FBXO11: variants seen among roughly 807,000 people sequenced by gnomAD.
FBXO11 encodes F-box protein 11.
Under a neutral mutation model 117.0 loss-of-function variants are expected in FBXO11, and 13 were observed. The ratio of observed to expected loss-of-function variants is 0.11; its 90% confidence interval spans 0.07 to 0.18. The LOEUF is 0.18. Among genes scored for constraint, FBXO11 ranks in the 10% least tolerant of loss-of-function variants. The pLI, the probability that FBXO11 is intolerant of heterozygous loss-of-function variation, is 1.00. For synonymous variants in FBXO11, 490 were observed against 380.5 expected, an observed-to-expected ratio of 1.29 and a Z score of -3.35; for missense variants, 767 against 1,164.4, an observed-to-expected ratio of 0.66 and a Z score of 4.97.
rs138205937 is a variant in FBXO11, at chr2:47,871,505, T to C, written c.233-31736A>G. Among the ~76,000 whole-genome samples, 979 of 152,304 alleles carry C rather than the reference T, an allele frequency of 6.4e-3. 7 individuals carry two copies. Among genetic ancestry groups the C allele is most frequent in the African/African-American group, 0.022 (935 of 41,562 alleles). ...TAAATGCATTCATTCAGTTTTCTGG[T>C]TTTTCTTCCCCTCAAACTAATAGGT... On this transcript the variant is annotated intron_variant, in intron 1 of 22. Coordinates refer to ENST00000403359, the MANE Select transcript of FBXO11 (RefSeq NM_001190274.2).
intron 1 of FBXO11, among the ~76,000 whole-genome samples, chr2:47,878,307 T>C (rs575796803): frequency 5.5e-4 from 84 of 152,202 alleles, no homozygotes; most frequent in Non-Finnish European, 1.0e-4. Flanking sequence ...GCAAAACAGA[T>C]TTTGATAGAT....
intron 1 of FBXO11, among the ~76,000 whole-genome samples, chr2:47,862,013 G>A (rs1256420844): frequency 6.6e-6 from 1 of 151,926 alleles, no homozygotes; most frequent in Non-Finnish European, 1.5e-5. Context: ...CCCAGGTTCA[G>A]GTGATTCTCC....
intron 1 of FBXO11, among the ~76,000 whole-genome samples, chr2:47,856,002 T>A (rs908627661): frequency 6.6e-6 from 1 of 152,148 alleles, no homozygotes; most frequent in African/African-American, 2.4e-5. Context: ...TTCCAGCTAC[T>A]CAGGAGGCTG....
At position 47,834,367 on chromosome 2, in the gene FBXO11, T is replaced by TG. The variant is rs558647032; in HGVS notation, c.934+211dup. Among the ~76,000 whole-genome samples, 667 of 148,936 alleles carry TG rather than the reference T, an allele frequency of 4.5e-3. 3 individuals are homozygous for TG. Among genetic ancestry groups the TG allele is most frequent in the Middle Eastern group, 6.9e-3 (2 of 290 alleles). ...TCTGCATCAAAAAAACAAAAAAGGT[T>TG]GGGGGGGGCGGGGAGAAAGAATTTA... On this transcript the variant is annotated intron_variant, in intron 7 of 22. Coordinates refer to ENST00000403359, the MANE Select transcript of FBXO11 (RefSeq NM_001190274.2).
chr2:47,861,138 C>T (rs1200431970), intron 1 of FBXO11, among the ~76,000 whole-genome samples: 1 of 152,130 alleles, frequency 6.6e-6, no homozygotes, highest in South Asian at 2.1e-4. Context: ...GCATGAACCA[C>T]CACGCCTGGC....
Position 47,905,798 on chromosome 2 carries a change from G to T in FBXO11, c.-78C>A. 3 of 1,432,082 alleles carry T rather than the reference G, an allele frequency of 2.1e-6. No individual in the cohort carries two copies. The highest frequency in any genetic ancestry group is 2.8e-6 in the Non-Finnish European group (3 of 1,076,002). The allele number at this position is 1,432,082 out of a possible 1,614,324, so 88.7% of individuals were successfully genotyped here. ...CAGCGAGCTTCGGGGCAGGAGAAAG[G>T]GGTGGGGAGAGTGGGAGAGGGGGGA... On this transcript the variant is annotated 5_prime_UTR_variant, in exon 1 of 23. Transcript: ENST00000403359.
At chr2:47,899,460 T>C (rs1042566340) in intron 1 of FBXO11, among the ~76,000 whole-genome samples, 5 of 152,160 alleles carry the variant, frequency 3.3e-5, no homozygotes, top group Non-Finnish European at 7.3e-5. Context: ...CTAGGAACTT[T>C]ACTATCTCTC....
chr2:47,883,793 G>A (rs996104658), intron 1 of FBXO11: 10 of 226,286 alleles, frequency 4.4e-5, no homozygotes, highest in African/African-American at 4.7e-5. Flanking sequence ...AAAATTAGTC[G>A]CCTTAGTCGG....
chr2:47,838,026 G>C (rs1409278077), intron 4 of FBXO11, among the ~76,000 whole-genome samples: 1 of 137,462 alleles, frequency 7.3e-6, no homozygotes, highest in Non-Finnish European at 1.5e-5. Context: ...AGGAGTTCAA[G>C]ATCAGACTGA....
intron 16 of FBXO11, 148 bp from the exon 17 acceptor site, chr2:47,814,015 T>C (rs956316980): frequency 9.9e-6 from 6 of 604,072 alleles, no homozygotes; most frequent in African/African-American, 1.9e-5. Context: ...GAGAAGAAAG[T>C]GGTTTAATTT....
At chr2:47,828,550 A>G (rs1335764545) in intron 11 of FBXO11, among the ~76,000 whole-genome samples, 5 of 151,654 alleles carry the variant, frequency 3.3e-5, no homozygotes, top group African/African-American at 1.2e-4. Flanking sequence ...TGGAGGTTGC[A>G]GTGAGCCGCG....
chr2:47,825,571 CTT>C (rs751404253), intron 11 of FBXO11, among the ~76,000 whole-genome samples: 11 of 88,290 alleles, frequency 1.2e-4, no homozygotes, highest in South Asian at 7.4e-4. Flanking sequence ...TCTTCTTCTT[CTT>C]TTTTTTTTTT....
Position 47,833,101 on chromosome 2 carries a change from C to T in FBXO11, c.935-31G>A, listed in dbSNP as rs774342053. On this transcript the variant is annotated intron_variant, in intron 7 of 22. Transcript: ENST00000403359. ...GAGAAGATATTTTAAAGAATATTAC[C>T]TTTATTCGATTTCAACAGATGGGTA... 4.1e-6 allele frequency: 6 copies of T among 1,465,284 alleles called. No homozygotes were observed. The East Asian group carries it at 6.8e-5, about 17-fold the overall frequency. 90.8% of individuals were successfully genotyped at this position (1,465,284 alleles called of 1,614,324 possible).
intron 1 of FBXO11, among the ~76,000 whole-genome samples, chr2:47,874,971 G>C (rs979110053): frequency 7.1e-6 from 1 of 140,652 alleles, no homozygotes; most frequent in Non-Finnish European, 1.5e-5. Context: ...TATTTTCTTT[G>C]TCAAAACGTC....
At chr2:47,889,220 C>T (rs998060215) in intron 1 of FBXO11, among the ~76,000 whole-genome samples, 1 of 152,104 alleles carries the variant, frequency 6.6e-6, no homozygotes, top group Non-Finnish European at 1.5e-5. Context: ...GGTTATGTTG[C>T]TTTTCTTCCT....
At chr2:47,834,289 A>G (rs112262764) in intron 7 of FBXO11, among the ~76,000 whole-genome samples, 23,335 of 152,106 alleles carry the variant, frequency 0.15, 1,943 homozygotes, top group Non-Finnish European at 0.18. Context: ...GGCAGAGGTT[A>G]CAGTGAACTG....
intron 1 of FBXO11, among the ~76,000 whole-genome samples, chr2:47,877,644 C>T (rs1676107147): frequency 6.6e-6 from 1 of 152,098 alleles, no homozygotes; most frequent in Non-Finnish European, 1.5e-5. Context: ...TTTTCTCCAT[C>T]TCTCACTCAA....
chr2:47,863,873 G>T (rs1320675703), intron 1 of FBXO11, among the ~76,000 whole-genome samples: 1 of 151,752 alleles, frequency 6.6e-6, no homozygotes, highest in Non-Finnish European at 1.5e-5. Context: ...CCCTGGAGGT[G>T]GAGGTTGCAG....
chr2:47,841,276 A>C (rs1558432614), intron 1 of FBXO11, among the ~76,000 whole-genome samples: 1 of 152,190 alleles, frequency 6.6e-6, no homozygotes, highest in Non-Finnish European at 1.5e-5. Flanking sequence ...TTTCTTACAT[A>C]AACTGAATCA....
Sources: gnomAD v4.1 joint callset for allele counts (sites outside exome capture counted in the v4.1 genomes callset) on GRCh38, gnomAD v4.1.1 for gene constraint, MANE v1.5 for transcripts, NCBI Gene and HGNC (gene_info 2026-07-23, HGNC 2026-07-21) for gene names.